The following NUDT14 variants were observed in gnomAD, a reference collection of about 807,000 sequenced individuals.
NUDT14 encodes the protein nudix hydrolase 14.
NUDT14 carries 22 observed loss-of-function variants against 17.5 expected under a neutral mutation model. The observed-to-expected ratio is 1.26, with a 90% CI of 0.90 to 1.80. The LOEUF (loss-of-function observed/expected upper bound fraction) is 1.80, where lower values mean the gene tolerates loss of function less well. Ranked by LOEUF, NUDT14 falls within the 40% of genes most tolerant of loss-of-function variation. NUDT14 has a pLI of 0.00. For synonymous variants in NUDT14, 129 were observed against 125.8 expected, an observed-to-expected ratio of 1.03 and a Z score of -0.17; for missense variants, 296 against 295.6, an observed-to-expected ratio of 1.00 and a Z score of -0.01.
chr14:105,174,250 G>A (rs1889165170), intron 4 of NUDT14, among the ~76,000 whole-genome samples: 1 of 152,126 alleles, frequency 6.6e-6, no homozygotes, highest in Admixed American at 6.5e-5. Context: ...TGTGGAGGGA[G>A]ACCACGGGCT....
chr14:105,175,849 G>C (rs1367836938), intron 4 of NUDT14: 2 of 1,081,786 alleles, frequency 1.8e-6, no homozygotes, highest in East Asian at 9.0e-5. Flanking sequence ...GAGACTTCCG[G>C]TGCTTCTCCC....
In NUDT14 at chr14:105,177,071, C is replaced by T. The variant is rs587661362; in HGVS notation, c.126-44G>A. On this transcript the variant is annotated intron_variant, in intron 2 of 4. Coordinates refer to ENST00000392568, the MANE Select transcript of NUDT14 (RefSeq NM_177533.5). The stretch of plus-strand genomic sequence containing the variant: ...GCTCAGCACAGAAGCACTCCACTGG[C>T]CCTCGTGGGGCCCCACCTCCCATCT... 22 of 1,588,042 alleles carry T rather than the reference C, an allele frequency of 1.4e-5. No individual in the cohort carries two copies. The South Asian group carries it at 2.0e-4, about 15-fold the overall frequency.
chr14:105,179,323 G>T (rs1358363017), intron 1 of NUDT14, among the ~76,000 whole-genome samples: 1 of 152,204 alleles, frequency 6.6e-6, no homozygotes, highest in Non-Finnish European at 1.5e-5. Flanking sequence ...CCCCTGGCTG[G>T]ACGCAGCAAA....
rs769372298 is a variant in NUDT14, at chr14:105,177,743, G to T, written c.82-8C>A. ...GGACTTCTGGGCACCATTCTAGAAGGGGCAGGTCAGCGGTTAGAATGTCCC... is the reference window on the plus strand; with the variant it reads ...GGACTTCTGGGCACCATTCTAGAAGTGGCAGGTCAGCGGTTAGAATGTCCC... On this transcript the variant is annotated splice_polypyrimidine_tract_variant and splice_region_variant and intron_variant, in intron 1 of 4. Coordinates refer to ENST00000392568, the MANE Select transcript of NUDT14 (RefSeq NM_177533.5). 2 of 1,612,206 alleles carry T rather than the reference G, an allele frequency of 1.2e-6. No individual in the cohort carries two copies. The highest frequency in any genetic ancestry group is 2.7e-5 in the African/African-American group (2 of 75,040).
intron 1 of NUDT14, among the ~76,000 whole-genome samples, chr14:105,178,679 G>C (rs866101344): frequency 7.9e-5 from 12 of 152,360 alleles, no homozygotes; most frequent in Middle Eastern, 3.4e-3. Flanking sequence ...TCCCCCACCG[G>C]GGGCTCTGCC....
chr14:105,175,288 C>T (rs1215052398), intron 4 of NUDT14, among the ~76,000 whole-genome samples: 4 of 152,254 alleles, frequency 2.6e-5, no homozygotes, highest in Non-Finnish European at 5.9e-5. Flanking sequence ...GAGCTGGGGG[C>T]ACAGTGGGCG....
At chr14:105,176,829 C>T in intron 3 of NUDT14, 58 bp from the exon 4 acceptor site, 5 of 1,575,750 alleles carry the variant, frequency 3.2e-6, no homozygotes, top group Non-Finnish European at 4.4e-6. Flanking sequence ...CTCCAGGTCA[C>T]CCACACAGCC....
At chr14:105,175,098 G>C (rs1456605434) in intron 4 of NUDT14, among the ~76,000 whole-genome samples, 1 of 152,214 alleles carries the variant, frequency 6.6e-6, no homozygotes, top group Non-Finnish European at 1.5e-5. Flanking sequence ...CTCACAATCA[G>C]GCTGTGGCCC....
In NUDT14 at chr14:105,177,020, C is replaced by T. The variant is rs141645903; in HGVS notation, c.133G>A (p.Val45Ile). 71 of 1,611,616 alleles carry T rather than the reference C, an allele frequency of 4.4e-5. No individual in the cohort carries two copies. Among genetic ancestry groups the T allele is most frequent in the African/African-American group, 3.2e-4 (24 of 74,986 alleles). ...CTCCGAGAAGAGTTGAATAAGAGAA[C>T]GGTCACGCTGTGTACGGGGGGAGGG... ...DFMKTHDSVT[V>I]LLFNSSRRSL... Residue 45 changes from valine to isoleucine, a missense_variant, in exon 3 of 5, where the codon GTT becomes ATT. Physicochemically the swap from Val to Ile is conservative, Grantham distance 29. Coordinates refer to ENST00000392568, the MANE Select transcript of NUDT14 (RefSeq NM_177533.5).
At chr14:105,176,077 G>A (rs1889206265) in intron 4 of NUDT14, 1 of 1,087,600 alleles carries the variant, frequency 9.2e-7, no homozygotes, top group South Asian at 1.6e-5. Context: ...AAGAGTTGGT[G>A]CCTCGAGTTT....
At chr14:105,177,937 A>G (rs1048783874) in intron 1 of NUDT14, among the ~76,000 whole-genome samples, 7 of 152,020 alleles carry the variant, frequency 4.6e-5, no homozygotes, top group African/African-American at 1.7e-4. Flanking sequence ...GGACAGCCTA[A>G]TACCCTACGA....
chr14:105,176,716 G>C lies in NUDT14; in HGVS notation c.246C>G (p.Asp82Glu), dbSNP rs780400619. Residue 82 changes from aspartate to glutamate, a missense_variant, in exon 4 of 5, where the codon GAC (aspartate) becomes GAG (glutamate). Coordinates refer to ENST00000392568, the MANE Select transcript of NUDT14 (RefSeq NM_177533.5). The stretch of plus-strand genomic sequence containing the variant: ...GCTGTAGCTCCCGAGGCCCGTCCTG[G>C]TCTACAGCTGCTAGGGACCCTGGGA... ...RRFPGSLAAVDQDGPRELQPA... is the reference protein window; with the variant it reads ...RRFPGSLAAVEQDGPRELQPA... 1.9e-6 allele frequency: 3 copies of C among 1,612,724 alleles called. No individual in the cohort carries two copies. Among genetic ancestry groups the C allele is most frequent in the Non-Finnish European group, 2.5e-6 (3 of 1,179,982 alleles).
rs1889159374 is a variant in NUDT14, at chr14:105,173,942, G to A, written c.429-681C>T. 6.6e-6 allele frequency among the ~76,000 whole-genome samples: 1 copy of A among 152,010 alleles called. No homozygotes were observed. The highest frequency in any genetic ancestry group is 2.4e-5 in the African/African-American group (1 of 41,378). ...TGCCAGACCCCAGCCCATACCCGGG[G>A]ACACAGGCTGGCTGGGAAGCAGGGA... On this transcript the variant is annotated intron_variant, in intron 4 of 4. Coordinates refer to ENST00000392568, the MANE Select transcript of NUDT14 (RefSeq NM_177533.5). The surrounding 1 kb of genome is among the most constrained non-coding windows in gnomAD (Gnocchi z 4.7).
chr14:105,175,945 T>C, intron 4 of NUDT14: 1 of 1,259,294 alleles, frequency 7.9e-7, no homozygotes, highest in Non-Finnish European at 1.0e-6. Flanking sequence ...CCCTCCTCCT[T>C]CCCCAAGACC....
rs1243510492 is a variant in NUDT14, at chr14:105,176,676, A to G, written c.286T>C (p.Ser96Pro). 1 of 1,612,728 alleles carries G rather than the reference A, an allele frequency of 6.2e-7. No individual in the cohort carries two copies. The highest frequency in any genetic ancestry group is 8.5e-7 in the Non-Finnish European group (1 of 1,179,976). ...CACAGCTCAACTGTCACCCCCGCTGAGCCGGGCAGGGCTGGCTGTAGCTCC... is the reference window on the plus strand; with the variant it reads ...CACAGCTCAACTGTCACCCCCGCTGGGCCGGGCAGGGCTGGCTGTAGCTCC... ...PRELQPALPG[S>P]AGVTVELCAG... Residue 96 changes from serine (S) to proline (P), a missense_variant, in exon 4 of 5, where the codon TCA (serine) becomes CCA (proline). By Grantham distance (74) the Ser-to-Pro change is moderately conservative. Transcript: ENST00000392568.
At chr14:105,174,308 G>T (rs587620891) in intron 4 of NUDT14, among the ~76,000 whole-genome samples, 2 of 152,240 alleles carry the variant, frequency 1.3e-5, no homozygotes, top group Admixed American at 6.5e-5. Context: ...GGAACAGGAG[G>T]GGGAGGGCCA....
chr14:105,175,256 G>T (rs759258019), intron 4 of NUDT14, among the ~76,000 whole-genome samples: 1 of 152,244 alleles, frequency 6.6e-6, no homozygotes, highest in Non-Finnish European at 1.5e-5. Flanking sequence ...CCTCCCGGCT[G>T]TGCTCAGTAC....
Position 105,177,065 on chromosome 14 carries a change from C to T in NUDT14, c.126-38G>A, listed in dbSNP as rs756033024. 13 of 1,598,434 alleles carry T rather than the reference C, an allele frequency of 8.1e-6. No homozygotes were observed. In the South Asian group the frequency reaches 1.4e-4, roughly 18 times the overall value. The stretch of plus-strand genomic sequence containing the variant: ...GGAGGGGCTCAGCACAGAAGCACTC[C>T]ACTGGCCCTCGTGGGGCCCCACCTC... On this transcript the variant is annotated intron_variant, in intron 2 of 4. Coordinates refer to ENST00000392568, the MANE Select transcript of NUDT14 (RefSeq NM_177533.5).
In NUDT14 at chr14:105,176,602, G is replaced by T; in HGVS notation, c.360C>A (p.Cys120Ter). The T allele has an allele frequency of 1.9e-6, 3 of 1,612,728 alleles. No homozygotes were observed. The highest frequency in any genetic ancestry group is 1.6e-4 in the Middle Eastern group (1 of 6,062). Reference sequence around the variant, plus strand: ...AGCCACACTCCTCCCAAGCCTCCTTGCAAGCCACTTCCTCCAGCGAGAGCC... The same window carrying T: ...AGCCACACTCCTCCCAAGCCTCCTTTCAAGCCACTTCCTCCAGCGAGAGCC... ...QPGLSLEEVACKEAWEECGYH... is the reference protein window; with the variant it reads ...QPGLSLEEVA The change falls in exon 4 of 5, where the codon TGC becomes TGA. Residue 120 changes from cysteine (C) to a stop codon, truncating the protein, a stop_gained. Coordinates refer to ENST00000392568, the MANE Select transcript of NUDT14 (RefSeq NM_177533.5). LOFTEE classifies it high-confidence loss of function.
Sources: gnomAD v4.1 joint callset for allele counts (sites outside exome capture counted in the v4.1 genomes callset) on GRCh38, gnomAD v4.1.1 for gene constraint, Gnocchi (gnomAD v3.1) non-coding constraint, MANE v1.5 for transcripts, NCBI Gene and HGNC (gene_info 2026-07-23, HGNC 2026-07-21) for gene names.